TRIM67: variants seen among roughly 807,000 people sequenced by gnomAD.
The protein encoded by TRIM67 is tripartite motif-containing protein 67.
Under a neutral mutation model 71.0 loss-of-function variants are expected in TRIM67, and 39 were observed. The observed-to-expected ratio is 0.55, with a 90% CI of 0.43 to 0.72. TRIM67 has a LOEUF of 0.72. TRIM67 is among the 30% of genes least tolerant of loss of function. The pLI is 0.00. For synonymous variants in TRIM67, 481 were observed against 473.9 expected (o/e 1.01, Z -0.19); for missense variants, 973 against 1,079.2 (o/e 0.90, Z 1.38).
Position 231,162,859 on chromosome 1 carries a change from GC to G in TRIM67, c.-106del. ...TGTGAAGTGGGCATGCCCGTGTGAT[GC>G]CCCCGCCCGTCGTCTCACCGGGGCG... On this transcript the variant is annotated 5_prime_UTR_variant, in exon 1 of 10. Coordinates refer to ENST00000366653, the MANE Select transcript of TRIM67 (RefSeq NM_001004342.5). The G allele has an allele frequency of 7.0e-7, 1 of 1,428,216 alleles. No homozygotes were observed. Among genetic ancestry groups the G allele is most frequent in the East Asian group, 2.5e-5 (1 of 39,722 alleles). The allele number at this position is 1,428,216 out of a possible 1,614,324, so 88.5% of individuals were successfully genotyped here. A position where few individuals can be genotyped will look rare whatever the true frequency, so the allele number is the denominator to read the frequency against.
rs1202328258 is a variant in TRIM67, at chr1:231,221,253, C to T, written c.*5813C>T. ...CTTGCCTTTCTTTATCCCCATTTCTCCTCCCTCCCCTTCCCCCATCACATC... is the reference window on the plus strand; with the variant it reads ...CTTGCCTTTCTTTATCCCCATTTCTTCTCCCTCCCCTTCCCCCATCACATC... On this transcript the variant is annotated 3_prime_UTR_variant, in exon 10 of 10. Transcript: ENST00000366653. 1.3e-5 allele frequency: 2 copies of T among 152,548 alleles called. No homozygotes were observed. Among genetic ancestry groups the T allele is most frequent in the African/African-American group, 4.8e-5 (2 of 41,452 alleles). The allele number at this position is 152,548 out of a possible 1,614,324, so 9.4% of individuals were successfully genotyped here.
At chr1:231,211,020 CAAAA>C (rs113952856) in intron 8 of TRIM67, among the ~76,000 whole-genome samples, 4,156 of 133,846 alleles carry the variant, frequency 0.031, 94 homozygotes, top group South Asian at 0.046. Context: ...TCCTCTCTAC[CAAAA>C]AAAAAAAATA....
intron 1 of TRIM67, chr1:231,185,082 A>G (rs891416949): frequency 1.0e-5 from 16 of 1,532,824 alleles, no homozygotes; most frequent in Non-Finnish European, 1.3e-5. Context: ...TCCAGAGAGC[A>G]GGGCACTTCG....
Position 231,216,720 on chromosome 1 carries a change from G to C in TRIM67, c.*1280G>C, listed in dbSNP as rs1684023068. The C allele has an allele frequency of 1.0e-6, 1 of 985,394 alleles. No homozygotes were observed. Among genetic ancestry groups the C allele is most frequent in the Non-Finnish European group, 1.2e-6 (1 of 829,988 alleles). The allele number at this position is 985,394 out of a possible 1,614,324, so 61.0% of individuals were successfully genotyped here. On this transcript the variant is annotated 3_prime_UTR_variant, in exon 10 of 10. Coordinates refer to ENST00000366653, the MANE Select transcript of TRIM67 (RefSeq NM_001004342.5). ...AGACTGGGTGTGCCGAGTCTGACCT[G>C]CCAGGGCAGGACTCTGGAAACACCA...
At chr1:231,206,896 T>G (rs532445000) in intron 7 of TRIM67, 106 bp downstream of exon 7, 4 of 1,241,094 alleles carry the variant, frequency 3.2e-6, no homozygotes, top group African/African-American at 1.5e-5. Context: ...GGGTGGGGGG[T>G]GGTGCTGGGC....
Position 231,184,739 on chromosome 1 carries a change from T to C in TRIM67, c.1045-12632T>C, listed in dbSNP as rs527424691. 7 of 463,816 alleles carry C rather than the reference T, an allele frequency of 1.5e-5. No homozygotes were observed. The South Asian group carries it at 2.1e-4, about 14-fold the overall frequency. 28.7% of individuals were successfully genotyped at this position (463,816 alleles called of 1,614,324 possible). On this transcript the variant is annotated intron_variant, in intron 1 of 9. Coordinates refer to ENST00000366653, the MANE Select transcript of TRIM67 (RefSeq NM_001004342.5). ...GCTGTCGGGGAAGCTCTCTCTGGGG[T>C]TCTCATTCTACCGAGAACCACCATG...
chr1:231,217,323 A>C lies in TRIM67; in HGVS notation c.*1883A>C, dbSNP rs1423297841. The C allele has an allele frequency of 2.0e-6, 2 of 985,116 alleles. No homozygotes were observed. Among genetic ancestry groups the C allele is most frequent in the African/African-American group, 3.5e-5 (2 of 56,816 alleles). 61.0% of individuals were successfully genotyped at this position (985,116 alleles called of 1,614,324 possible). Reference sequence around the variant, plus strand: ...GGTCTTGCCTCTTCCTTGTCATCTCACCAAGCGGTTTCTGGGTCTCCTCCT... The same window carrying C: ...GGTCTTGCCTCTTCCTTGTCATCTCCCCAAGCGGTTTCTGGGTCTCCTCCT... On this transcript the variant is annotated 3_prime_UTR_variant, in exon 10 of 10. Coordinates refer to ENST00000366653, the MANE Select transcript of TRIM67 (RefSeq NM_001004342.5).
intron 1 of TRIM67, among the ~76,000 whole-genome samples, chr1:231,176,994 AAAG>A (rs1164420217): frequency 6.6e-6 from 1 of 150,956 alleles, no homozygotes. Flanking sequence ...GGTAAAAACA[AAAG>A]AAGTGAGGAA....
At chr1:231,191,005 G>C (rs1683216118) in intron 1 of TRIM67, among the ~76,000 whole-genome samples, 1 of 152,098 alleles carries the variant, frequency 6.6e-6, no homozygotes, top group Admixed American at 6.5e-5. Context: ...GGTGATCAAG[G>C]CTCCCCACCA....
chr1:231,201,187 A>T (rs999593836), intron 4 of TRIM67, among the ~76,000 whole-genome samples, 171 bp from the exon 5 acceptor site: 1 of 152,168 alleles, frequency 6.6e-6, no homozygotes, highest in South Asian at 2.1e-4. Flanking sequence ...GCATTTTTAG[A>T]CAGCCTGTGC....
At chr1:231,197,249 A>G (rs1683389182) in intron 1 of TRIM67, 122 bp from the exon 2 acceptor site, 6 of 704,550 alleles carry the variant, frequency 8.5e-6, no homozygotes, top group Non-Finnish European at 1.5e-5. Flanking sequence ...CATCAATGAG[A>G]ACAGCAGATG....
chr1:231,188,926 A>G (rs947449041), intron 1 of TRIM67, among the ~76,000 whole-genome samples: 7 of 152,202 alleles, frequency 4.6e-5, no homozygotes, highest in African/African-American at 7.2e-5. Flanking sequence ...CTGTGGCACA[A>G]AAATGACATT....
intron 8 of TRIM67, 92 bp from the exon 9 acceptor site, chr1:231,213,723 C>T (rs947975698): frequency 2.7e-5 from 39 of 1,427,320 alleles, no homozygotes; most frequent in African/African-American, 1.4e-4. Flanking sequence ...AGAGTGAGAC[C>T]GTGTCTCTAA....
intron 1 of TRIM67, among the ~76,000 whole-genome samples, chr1:231,182,106 G>A (rs1682922495): frequency 6.6e-6 from 1 of 152,176 alleles, no homozygotes; most frequent in Non-Finnish European, 1.5e-5. Context: ...CATATCAGGT[G>A]CAAAGCTAAA....
At chr1:231,214,142 C>T (rs892320994) in intron 9 of TRIM67, among the ~76,000 whole-genome samples, 165 bp downstream of exon 9, 4 of 152,194 alleles carry the variant, frequency 2.6e-5, no homozygotes, top group East Asian at 3.9e-4. Context: ...GGAGGCGTTC[C>T]GTTCTAACCT....
At chr1:231,174,710 C>G (rs1682700754) in intron 1 of TRIM67, among the ~76,000 whole-genome samples, 1 of 152,150 alleles carries the variant, frequency 6.6e-6, no homozygotes, top group Non-Finnish European at 1.5e-5. Context: ...CTATCTTACC[C>G]AGGAAGAAAG....
Position 231,163,875 on chromosome 1 carries a change from G to C in TRIM67, c.906G>C (p.Thr302=), listed in dbSNP as rs114646292. Residue 302 remains threonine (T), a synonymous_variant, in exon 1 of 10, where the codon ACG becomes ACC. Coordinates refer to ENST00000366653, the MANE Select transcript of TRIM67 (RefSeq NM_001004342.5). ...GCAGCACGGCCCGCAAGTTCCCCAC[G>C]TGTCCCGAGCATGAAATGGAGAACT... The part of the protein sequence containing the change: ...TGGSTARKFP[T]CPEHEMENYS... 1.9e-6 allele frequency: 3 copies of C among 1,574,704 alleles called. No homozygotes were observed. The highest frequency in any genetic ancestry group is 1.8e-5 in the Admixed American group (1 of 54,450).
chr1:231,208,892 A>G, intron 7 of TRIM67, 55 bp from the exon 8 acceptor site: 1 of 1,500,264 alleles, frequency 6.7e-7, no homozygotes, highest in South Asian at 1.3e-5. Context: ...CCGGTTAGAA[A>G]CTACTAGCAA....
chr1:231,204,729 A>G (rs1683650080), intron 6 of TRIM67, among the ~76,000 whole-genome samples: 1 of 152,016 alleles, frequency 6.6e-6, no homozygotes, highest in Admixed American at 6.6e-5. Flanking sequence ...TTAAATAAAC[A>G]CTCATTCCAA....
Sources: allele counts gnomAD v4.1 joint callset (sites outside exome capture counted in the v4.1 genomes callset), GRCh38; gene constraint gnomAD v4.1.1; transcripts MANE v1.5; gene names NCBI Gene and HGNC (gene_info 2026-07-23, HGNC 2026-07-21).